The following IL23R variants were observed in gnomAD, a reference collection of about 807,000 sequenced individuals.
IL23R encodes interleukin-23 receptor.
Under a neutral mutation model 56.9 loss-of-function variants are expected in IL23R, and 34 were observed. That is an observed-to-expected ratio of 0.60 (90% CI 0.45 to 0.80). The LOEUF is 0.80. Ranked by LOEUF, IL23R falls within the 30% of genes least tolerant of loss-of-function variation. IL23R has a pLI of 0.00. For missense variants in IL23R, 635 were observed against 730.0 expected, an observed-to-expected ratio of 0.87 and a Z score of 1.50; for synonymous variants, 230 against 249.2, an observed-to-expected ratio of 0.92 and a Z score of 0.73.
At chr1:67,192,595 T>A (rs1268914821) in intron 4 of IL23R, among the ~76,000 whole-genome samples, 1 of 152,196 alleles carries the variant, frequency 6.6e-6, no homozygotes. Context: ...ATCTTGAAGT[T>A]AACATTTTCA....
At chr1:67,253,798 A>G (rs895120697) in intron 9 of IL23R, among the ~76,000 whole-genome samples, 1 of 152,178 alleles carries the variant, frequency 6.6e-6, no homozygotes, top group African/African-American at 2.4e-5. Flanking sequence ...AACATGCCCT[A>G]GTGTAAAAGT....
At chr1:67,255,492 G>T (rs1380494165) in intron 9 of IL23R, among the ~76,000 whole-genome samples, 2 of 152,024 alleles carry the variant, frequency 1.3e-5, no homozygotes, top group Non-Finnish European at 2.9e-5. Context: ...CAGAGTGAGT[G>T]CAGTGGCATG....
In IL23R at chr1:67,258,570, A is replaced by T; in HGVS notation, c.1332A>T (p.Glu444Asp). Residue 444 changes from glutamate to aspartate, a missense_variant, in exon 11 of 11, where the codon GAA becomes GAT. Glu to Asp is a conservative substitution (Grantham distance 45). Coordinates refer to ENST00000347310, the MANE Select transcript of IL23R (RefSeq NM_144701.3). ...ITEIKEIFIP[E>D]HKPTDYKKEN... ...AGATAAAAGAAATCTTCATCCCAGAACACAAGCCTACAGACTACAAGAAGG... is the reference window on the plus strand; with the variant it reads ...AGATAAAAGAAATCTTCATCCCAGATCACAAGCCTACAGACTACAAGAAGG... 6.2e-7 allele frequency: 1 copy of T among 1,612,320 alleles called. No homozygotes were observed. Among genetic ancestry groups the T allele is most frequent in the East Asian group, 2.2e-5 (1 of 44,858 alleles).
At chr1:67,192,853 C>T (rs183986945) in intron 4 of IL23R, among the ~76,000 whole-genome samples, 238 of 152,300 alleles carry the variant, frequency 1.6e-3, no homozygotes, top group Non-Finnish European at 2.8e-3. Flanking sequence ...CTGGTCCACT[C>T]GCTTCCTCCA....
intron 4 of IL23R, among the ~76,000 whole-genome samples, chr1:67,199,679 A>G (rs1372957388): frequency 1.3e-5 from 2 of 152,072 alleles, no homozygotes; most frequent in African/African-American, 4.8e-5. Flanking sequence ...ATTTTTGTGT[A>G]TTTTATATAT....
chr1:67,264,633 A>G (rs1653291729), downstream of IL23R, among the ~76,000 whole-genome samples: 3 of 152,222 alleles, frequency 2.0e-5, no homozygotes, highest in Non-Finnish European at 1.5e-5. Flanking sequence ...GGTTTGACAG[A>G]ATGTTATTAT....
upstream of IL23R, among the ~76,000 whole-genome samples, chr1:67,164,676 T>TAAAATAAAAC (rs1646855078): frequency 3.0e-5 from 4 of 133,908 alleles, no homozygotes; most frequent in Admixed American, 7.7e-5. Context: ...TAAAATAAAA[T>TAAAATAAAAC]AAAACAAAAA....
At chr1:67,191,096 T>C (rs1647706678) in intron 4 of IL23R, among the ~76,000 whole-genome samples, 1 of 152,226 alleles carries the variant, frequency 6.6e-6, no homozygotes, top group Non-Finnish European at 1.5e-5. Context: ...TACTGCTTTA[T>C]ATTCATGACC....
intron 1 of IL23R, among the ~76,000 whole-genome samples, chr1:67,156,855 G>A (rs987815657): frequency 5.3e-5 from 8 of 152,138 alleles, no homozygotes; most frequent in East Asian, 3.8e-4. Context: ...ACACACTGCT[G>A]GAGTATGAAC....
At chr1:67,196,006 T>C (rs1195996922) in intron 4 of IL23R, 3 of 152,278 alleles carry the variant, frequency 2.0e-5, no homozygotes, top group African/African-American at 7.2e-5. Flanking sequence ...AGATATATAG[T>C]AGTAACAGGA....
intron 7 of IL23R, among the ~76,000 whole-genome samples, chr1:67,220,453 T>C (rs1333893207): frequency 6.6e-6 from 1 of 152,152 alleles, no homozygotes. Flanking sequence ...TCTTTACCTT[T>C]GACCAAAATT....
intron 7 of IL23R, among the ~76,000 whole-genome samples, chr1:67,227,041 G>A (rs773160005): frequency 2.6e-5 from 4 of 152,236 alleles, no homozygotes; most frequent in South Asian, 2.1e-4. Context: ...TATGAGAACC[G>A]CTGAGAGCTG....
At chr1:67,197,799 G>T (rs959967220) in intron 4 of IL23R, among the ~76,000 whole-genome samples, 1 of 152,042 alleles carries the variant, frequency 6.6e-6, no homozygotes, top group African/African-American at 2.4e-5. Flanking sequence ...AGCTGAGAGT[G>T]GTGGTGCATG....
At chr1:67,152,529 C>A (rs919992326) in intron 1 of IL23R, among the ~76,000 whole-genome samples, 2 of 152,134 alleles carry the variant, frequency 1.3e-5, no homozygotes, top group African/African-American at 4.8e-5. Flanking sequence ...TGTCTTGTGC[C>A]AGTTTCCAAG....
intron 8 of IL23R, among the ~76,000 whole-genome samples, chr1:67,237,437 T>C (rs1157279134): frequency 6.6e-6 from 1 of 152,240 alleles, no homozygotes. Flanking sequence ...TCTAGACATC[T>C]TCTTCAATCT....
At chr1:67,256,703 C>T (rs771869983) in intron 10 of IL23R, among the ~76,000 whole-genome samples, 20 of 152,168 alleles carry the variant, frequency 1.3e-4, no homozygotes, top group Admixed American at 3.3e-4. Flanking sequence ...TCAGGAGAAG[C>T]AGGGAGAATT....
chr1:67,183,856 G>C (rs999447291), intron 4 of IL23R, among the ~76,000 whole-genome samples: 10 of 152,166 alleles, frequency 6.6e-5, no homozygotes, highest in African/African-American at 2.4e-4. Context: ...AGGATTTTCA[G>C]TTTTAAAACC....
At chr1:67,199,044 C>T (rs955053997) in intron 4 of IL23R, among the ~76,000 whole-genome samples, 2 of 152,150 alleles carry the variant, frequency 1.3e-5, no homozygotes, top group Non-Finnish European at 2.9e-5. Flanking sequence ...ACTACCACCA[C>T]TTTCATTTCC....
chr1:67,219,786 C>CTG lies in IL23R; in HGVS notation c.955+57_955+58dup. ...GGCTTTTCTTTATATATCTTTTCTG[C>CTG]TGAGCACAGTGGCTCACACCTATAA... is the stretch of plus-strand genomic sequence containing the variant. On this transcript the variant is annotated intron_variant, in intron 7 of 10. Transcript: ENST00000347310. The CTG allele has an allele frequency of 4.6e-6, 7 of 1,520,942 alleles. No homozygotes were observed. In the South Asian group the frequency reaches 7.8e-5, roughly 17 times the overall value. The allele number at this position is 1,520,942 out of a possible 1,614,324, so 94.2% of individuals were successfully genotyped here.
Sources: allele counts gnomAD v4.1 joint callset (sites outside exome capture counted in the v4.1 genomes callset), GRCh38; gene constraint gnomAD v4.1.1; transcripts MANE v1.5; gene names NCBI Gene and HGNC (gene_info 2026-07-23, HGNC 2026-07-21).